CC2D2B: variants seen among roughly 807,000 people sequenced by gnomAD.
The protein encoded by CC2D2B is protein CC2D2B.
In CC2D2B, 128 loss-of-function variants were observed where a neutral mutation model predicts 161.2. The ratio of observed to expected loss-of-function variants is 0.79; its 90% confidence interval spans 0.69 to 0.92. The LOEUF (loss-of-function observed/expected upper bound fraction) is 0.92, where lower values mean the gene tolerates loss of function less well. Among genes scored for constraint, CC2D2B ranks in the 40% least tolerant of loss-of-function variants. The probability of loss-of-function intolerance (pLI) is 0.00; values close to 1 mark genes in which losing one functional copy is unlikely to be tolerated. For synonymous variants in CC2D2B, 391 were observed against 449.8 expected (o/e 0.87, Z 1.65); for missense variants, 1,173 against 1,375.1 (o/e 0.85, Z 2.32).
intron 33 of CC2D2B, among the ~76,000 whole-genome samples, chr10:96,025,178 T>A (rs1234706846): frequency 0.074 from 780 of 10,564 alleles, 61 homozygotes; most frequent in East Asian, 0.47. Context: ...TATATATATA[T>A]ATATATAAAA....
chr10:96,003,021 AAT>A (rs57187442), intron 24 of CC2D2B, among the ~76,000 whole-genome samples: 27,247 of 140,442 alleles, frequency 0.19, 3,196 homozygotes, highest in African/African-American at 0.32. Context: ...AAAATAAATA[AAT>A]ATATATATAT....
chr10:95,977,798 TA>T (rs2077372162), intron 17 of CC2D2B, among the ~76,000 whole-genome samples: 2 of 152,256 alleles, frequency 1.3e-5, no homozygotes, highest in Admixed American at 1.3e-4. Flanking sequence ...TTGCTATTTA[TA>T]AGTCTGCTAT....
chr10:96,016,320 T>A lies in CC2D2B; in HGVS notation c.3630+6T>A, dbSNP rs773891155. 6.6e-7 allele frequency: 1 copy of A among 1,522,514 alleles called. No individual in the cohort carries two copies. The allele number at this position is 1,522,514 out of a possible 1,614,324, so 94.3% of individuals were successfully genotyped here. ...TGGGAACGTCAGTGTTAGAAGTAAG[T>A]GCTGGAGTTCATATTGAAATAATGT... On this transcript the variant is annotated splice_donor_region_variant and intron_variant, in intron 30 of 34. Coordinates refer to ENST00000646931, the MANE Select transcript of CC2D2B (RefSeq NM_001349008.3).
chr10:96,019,216 ATG>A lies in CC2D2B; in HGVS notation c.3646_3647del (p.Val1216SerfsTer6). On this transcript the variant is annotated frameshift_variant, in exon 31 of 35. Coordinates refer to ENST00000646931, the MANE Select transcript of CC2D2B (RefSeq NM_001349008.3). LOFTEE classifies it high-confidence loss of function. ...TTTCTCATACAGGGGCATGTGGCTT[ATG>A]TAGTAACTCAAGAAACTAATGAATA... The A allele has an allele frequency of 1.2e-6, 2 of 1,604,132 alleles. No individual in the cohort carries two copies. The highest frequency in any genetic ancestry group is 1.7e-6 in the Non-Finnish European group (2 of 1,176,902).
At chr10:96,003,553 G>A (rs986254258) in intron 24 of CC2D2B, among the ~76,000 whole-genome samples, 4 of 150,140 alleles carry the variant, frequency 2.7e-5, no homozygotes, top group Non-Finnish European at 4.4e-5. Flanking sequence ...TGAGTAGCTG[G>A]GATTACAACC....
chr10:95,942,238 A>T (rs1440213615), intron 9 of CC2D2B, among the ~76,000 whole-genome samples: 1 of 152,152 alleles, frequency 6.6e-6, no homozygotes, highest in Non-Finnish European at 1.5e-5. Context: ...AGCCCTAGGG[A>T]TCTATGGTAC....
intron 1 of CC2D2B, among the ~76,000 whole-genome samples, chr10:95,911,040 TACAA>T (rs1335110323): frequency 2.6e-5 from 4 of 152,184 alleles, no homozygotes; most frequent in Non-Finnish European, 5.9e-5. Context: ...ACCTATCATC[TACAA>T]ACAATGATAA....
intron 5 of CC2D2B, among the ~76,000 whole-genome samples, chr10:95,926,834 G>GTGTGTGTGTC (rs1472598345): frequency 1.5e-5 from 2 of 137,884 alleles, no homozygotes; most frequent in African/African-American, 5.1e-5. Flanking sequence ...GTGTGTGTGT[G>GTGTGTGTGTC]TGTGTGTGTG....
chr10:96,019,680 T>A (rs759799621), intron 31 of CC2D2B, 22 bp from the exon 32 acceptor site: 6 of 1,558,338 alleles, frequency 3.9e-6, no homozygotes, highest in Non-Finnish European at 1.7e-6. Flanking sequence ...CCTACACTAA[T>A]GTTATATTAA....
intron 28 of CC2D2B, 147 bp from the exon 29 acceptor site, chr10:96,013,641 C>A (rs1038978377): frequency 4.1e-6 from 2 of 482,738 alleles, no homozygotes. Context: ...TTACTCCAAG[C>A]TTATTTCCTC....
chr10:95,932,025 A>C (rs1044261072), intron 6 of CC2D2B, among the ~76,000 whole-genome samples: 3 of 152,224 alleles, frequency 2.0e-5, no homozygotes, highest in Non-Finnish European at 4.4e-5. Context: ...GTCTCTTTGT[A>C]GGTCTCTAAG....
chr10:95,975,180 AT>A (rs2141532575), intron 17 of CC2D2B, among the ~76,000 whole-genome samples: 1 of 152,356 alleles, frequency 6.6e-6, no homozygotes, highest in East Asian at 1.9e-4. Context: ...TGTTTTAAAA[AT>A]ATTATAGTTT....
chr10:96,027,888 A>G (rs1297270959), intron 34 of CC2D2B, among the ~76,000 whole-genome samples: 3 of 152,220 alleles, frequency 2.0e-5, no homozygotes, highest in African/African-American at 7.2e-5. Context: ...CACTGGGGAA[A>G]ATACAGTCTC....
chr10:95,927,072 G>A (rs2098540721), intron 5 of CC2D2B, among the ~76,000 whole-genome samples, 165 bp from the exon 6 acceptor site: 1 of 152,100 alleles, frequency 6.6e-6, no homozygotes, highest in African/African-American at 2.4e-5. Flanking sequence ...AAAAACTCAT[G>A]AACCAAACAG....
intron 34 of CC2D2B, among the ~76,000 whole-genome samples, chr10:96,030,607 T>C (rs981868182): frequency 6.6e-6 from 1 of 152,156 alleles, no homozygotes; most frequent in Non-Finnish European, 1.5e-5. Flanking sequence ...TTAAAGCTTA[T>C]AAACAATAGA....
intron 2 of CC2D2B, among the ~76,000 whole-genome samples, chr10:95,911,866 C>G (rs1034463945): frequency 6.6e-5 from 10 of 152,064 alleles, no homozygotes; most frequent in Non-Finnish European, 1.3e-4. Flanking sequence ...TCCATCATAC[C>G]TTAAGGGTTG....
At chr10:95,959,143 C>G (rs556979942) in intron 11 of CC2D2B, among the ~76,000 whole-genome samples, 1 of 152,120 alleles carries the variant, frequency 6.6e-6, no homozygotes, top group African/African-American at 2.4e-5. Flanking sequence ...GAAAAAAAAC[C>G]TTAAGTAATT....
At chr10:95,952,366 G>A (rs373031974) in intron 10 of CC2D2B, 4 of 152,140 alleles carry the variant, frequency 2.6e-5, no homozygotes, top group African/African-American at 9.6e-5. Flanking sequence ...GTTCTCCCTG[G>A]AAAAGATTAA....
At chr10:96,026,676 A>C (rs1253043726) in intron 33 of CC2D2B, among the ~76,000 whole-genome samples, 2 of 152,144 alleles carry the variant, frequency 1.3e-5, no homozygotes, top group Non-Finnish European at 2.9e-5. Context: ...TTGGAGAGTT[A>C]ATTGCTGGCT....
Sources: allele counts gnomAD v4.1 joint callset (sites outside exome capture counted in the v4.1 genomes callset), GRCh38; gene constraint gnomAD v4.1.1; transcripts MANE v1.5; gene names NCBI Gene and HGNC (gene_info 2026-07-23, HGNC 2026-07-21).